The following FAM204A variants were observed in gnomAD, a reference collection of about 807,000 sequenced individuals.
FAM204A encodes protein FAM204A.
FAM204A carries 16 observed loss-of-function variants against 35.4 expected under a neutral mutation model. That is an observed-to-expected ratio of 0.45 (90% confidence interval 0.31 to 0.69). The LOEUF (loss-of-function observed/expected upper bound fraction) is 0.69. Among genes scored for constraint, FAM204A ranks in the 30% least tolerant of loss-of-function variants. FAM204A has a pLI of 0.07. For synonymous variants in FAM204A, 76 were observed against 86.9 expected, an observed-to-expected ratio of 0.88 and a Z score of 0.70; for missense variants, 240 against 265.7, an observed-to-expected ratio of 0.90 and a Z score of 0.67.
Position 118,338,276 on chromosome 10 carries a change from C to T in FAM204A, c.-8-1853G>A, listed in dbSNP as rs183792258. 5.9e-5 allele frequency among the ~76,000 whole-genome samples: 9 copies of T among 152,218 alleles called. No individual in the cohort carries two copies. The East Asian group carries it at 9.7e-4, about 16-fold the overall frequency. ...GGACAGCAGTACTCTTGAAATACTCCAATAGCACAAAAGACATCATGTAAA... is the reference window on the plus strand; with the variant it reads ...GGACAGCAGTACTCTTGAAATACTCTAATAGCACAAAAGACATCATGTAAA... On this transcript the variant is annotated intron_variant, in intron 2 of 8. Transcript: ENST00000369183.
chr10:118,335,984 GTCTT>G (rs1846378834), intron 3 of FAM204A, 194 bp downstream of exon 3: 1 of 571,260 alleles, frequency 1.8e-6, no homozygotes. Context: ...TTCCCCCTCC[GTCTT>G]TCTATGAAAA....
At chr10:118,332,687 C>G (rs530159234) in intron 6 of FAM204A, among the ~76,000 whole-genome samples, 3 of 152,102 alleles carry the variant, frequency 2.0e-5, no homozygotes, top group South Asian at 4.2e-4. Context: ...AAACCAAGTT[C>G]GAAAAAGCTA....
At position 118,326,233 on chromosome 10, in the gene FAM204A, T is replaced by C; in HGVS notation, c.464A>G (p.Glu155Gly). 6.2e-7 allele frequency: 1 copy of C among 1,613,460 alleles called. No homozygotes were observed. The highest frequency in any genetic ancestry group is 1.3e-5 in the African/African-American group (1 of 74,984). Residue 155 changes from glutamate to glycine, a missense_variant, in exon 7 of 9, where the codon GAA becomes GGA. Coordinates refer to ENST00000369183, the MANE Select transcript of FAM204A (RefSeq NM_022063.3). ...KRKKVEKSGL[E>G]KRIDQAVEEW... Reference sequence around the variant, plus strand: ...CTCCACAGCCTGGTCTATCCTCTTTTCAAGGCCTGACTAGAAAAAAAAGAA... The same window carrying C: ...CTCCACAGCCTGGTCTATCCTCTTTCCAAGGCCTGACTAGAAAAAAAAGAA...
intron 6 of FAM204A, among the ~76,000 whole-genome samples, chr10:118,331,656 A>C (rs1256390205): frequency 6.6e-6 from 1 of 151,984 alleles, no homozygotes; most frequent in Admixed American, 6.5e-5. Flanking sequence ...TTAAATATTT[A>C]TTCTGTTAAT....
chr10:118,321,775 T>C (rs2024090), intron 7 of FAM204A, among the ~76,000 whole-genome samples: 88,561 of 147,166 alleles, frequency 0.6, 28,017 homozygotes, highest in Admixed American at 0.77. Context: ...GAAACTCACA[T>C]TTCTGAAACC....
In FAM204A at chr10:118,304,201, T is replaced by C. The variant is rs1424831053; in HGVS notation, c.*6656A>G. 2.6e-5 allele frequency: 4 copies of C among 152,196 alleles called. No homozygotes were observed. Among genetic ancestry groups the C allele is most frequent in the African/African-American group, 4.8e-5 (2 of 41,438 alleles). 9.4% of individuals were successfully genotyped at this position (152,196 alleles called of 1,614,324 possible). A position where few individuals can be genotyped will look rare whatever the true frequency, so the allele number is the denominator to read the frequency against. On this transcript the variant is annotated 3_prime_UTR_variant, in exon 9 of 9. Coordinates refer to ENST00000369183, the MANE Select transcript of FAM204A (RefSeq NM_022063.3). ...TTTCAAGACCTCTTTCATCGACCTA[T>C]TTCTGCAACCTCCCTCCCTTCTGAC...
At chr10:118,327,205 A>G (rs1157510035) in intron 6 of FAM204A, among the ~76,000 whole-genome samples, 2 of 152,220 alleles carry the variant, frequency 1.3e-5, no homozygotes, top group Admixed American at 6.5e-5. Flanking sequence ...ATTTCATAAC[A>G]GAAGTCCTAA....
chr10:118,336,172 G>A lies in FAM204A; in HGVS notation c.234+10C>T. The A allele has an allele frequency of 6.2e-7, 1 of 1,610,932 alleles. No individual in the cohort carries two copies. The highest frequency in any genetic ancestry group is 8.5e-7 in the Non-Finnish European group (1 of 1,178,432). On this transcript the variant is annotated intron_variant, in intron 3 of 8. Coordinates refer to ENST00000369183, the MANE Select transcript of FAM204A (RefSeq NM_022063.3). ...CAGGCTGTAGCAAGAGCATTTCAGA[G>A]AAAACCTACATTCCACATATCTATG...
At position 118,302,573 on chromosome 10, in the gene FAM204A, A is replaced by G. The variant is rs1030309512; in HGVS notation, c.*8284T>C. On this transcript the variant is annotated 3_prime_UTR_variant, in exon 9 of 9. Coordinates refer to ENST00000369183, the MANE Select transcript of FAM204A (RefSeq NM_022063.3). Reference sequence around the variant, plus strand: ...CTCCACCATCGGGAATGGAACTTTTATGTACATGGACTTTGGATTTTCTTT... The same window carrying G: ...CTCCACCATCGGGAATGGAACTTTTGTGTACATGGACTTTGGATTTTCTTT... 1 of 152,228 alleles carries G rather than the reference A, an allele frequency of 6.6e-6. No homozygotes were observed. The highest frequency in any genetic ancestry group is 2.4e-5 in the African/African-American group (1 of 41,470). 9.4% of individuals were successfully genotyped at this position (152,228 alleles called of 1,614,324 possible). A position where few individuals can be genotyped will look rare whatever the true frequency, so the allele number is the denominator to read the frequency against.
intron 7 of FAM204A, among the ~76,000 whole-genome samples, chr10:118,318,896 T>C (rs1846070522): frequency 6.6e-6 from 1 of 151,464 alleles, no homozygotes; most frequent in African/African-American, 2.4e-5. Flanking sequence ...CTCCAGGTAC[T>C]CTGATCAAAA....
intron 7 of FAM204A, among the ~76,000 whole-genome samples, chr10:118,315,444 T>C (rs1321814082): frequency 6.6e-6 from 1 of 152,162 alleles, no homozygotes; most frequent in Non-Finnish European, 1.5e-5. Context: ...TTTTCCTCCC[T>C]TTTGAACACT....
chr10:118,335,293 A>G, intron 5 of FAM204A, 80 bp from the exon 6 acceptor site: 1 of 1,548,458 alleles, frequency 6.5e-7, no homozygotes, highest in East Asian at 2.3e-5. Context: ...TACTACAATT[A>G]TACTACAATT....
chr10:118,322,179 A>G (rs1846128391), intron 7 of FAM204A: 2 of 236,650 alleles, frequency 8.5e-6, no homozygotes, highest in South Asian at 9.8e-5. Flanking sequence ...ACTAAAACAA[A>G]CAGGGAAAAC....
At chr10:118,327,718 A>C (rs1846221297) in intron 6 of FAM204A, among the ~76,000 whole-genome samples, 1 of 152,206 alleles carries the variant, frequency 6.6e-6, no homozygotes, top group Non-Finnish European at 1.5e-5. Flanking sequence ...GTCTGTACAC[A>C]GTGCCAATCC....
chr10:118,324,709 T>C (rs961471702), intron 7 of FAM204A, among the ~76,000 whole-genome samples: 1 of 152,114 alleles, frequency 6.6e-6, no homozygotes, highest in Non-Finnish European at 1.5e-5. Flanking sequence ...CAGAGGTTAA[T>C]GGGTACAGAG....
chr10:118,339,122 C>G (rs941724962), intron 2 of FAM204A, among the ~76,000 whole-genome samples: 1 of 152,068 alleles, frequency 6.6e-6, no homozygotes, highest in Non-Finnish European at 1.5e-5. Flanking sequence ...TCTTTAGAAC[C>G]TTTAGTCATG....
At chr10:118,314,053 G>A (rs1254795528) in intron 7 of FAM204A, among the ~76,000 whole-genome samples, 1 of 152,134 alleles carries the variant, frequency 6.6e-6, no homozygotes, top group African/African-American at 2.4e-5. Flanking sequence ...AGCACAACTA[G>A]CATCACAGTA....
intron 7 of FAM204A, among the ~76,000 whole-genome samples, chr10:118,317,565 G>GA (rs1002441013): frequency 1.3e-5 from 2 of 151,584 alleles, no homozygotes; most frequent in East Asian, 3.9e-4. Flanking sequence ...AAACCTGAGA[G>GA]AAAAAAAACC....
chr10:118,335,736 C>T (rs995703500), intron 3 of FAM204A, 95 bp from the exon 4 acceptor site: 107 of 964,848 alleles, frequency 1.1e-4, no homozygotes, highest in Non-Finnish European at 1.5e-4. Flanking sequence ...TATATTTCAG[C>T]GTGTATAAAG....
Sources: gnomAD v4.1 joint callset for allele counts (sites outside exome capture counted in the v4.1 genomes callset) on GRCh38, gnomAD v4.1.1 for gene constraint, MANE v1.5 for transcripts, NCBI Gene and HGNC (gene_info 2026-07-23, HGNC 2026-07-21) for gene names.